Variants in LRWD1 observed in about 807,000 individuals in gnomAD.
LRWD1 encodes leucine rich repeats and WD repeat domain containing 1, also known as leucine-rich repeat and WD repeat-containing protein 1.
Under a neutral mutation model 75.6 loss-of-function variants are expected in LRWD1, and 76 were observed. That is an observed-to-expected ratio of 1.01 (90% confidence interval 0.84 to 1.22). The LOEUF (loss-of-function observed/expected upper bound fraction) is 1.22, where lower values mean the gene tolerates loss of function less well. Among genes scored for constraint, LRWD1 ranks in the 50% most tolerant of loss-of-function variants. The probability of loss-of-function intolerance (pLI) is 0.00; values close to 1 mark genes in which losing one functional copy is unlikely to be tolerated. For missense variants in LRWD1, 917 were observed against 862.0 expected, an observed-to-expected ratio of 1.06 and a Z score of -0.80; for synonymous variants, 487 against 377.0, an observed-to-expected ratio of 1.29 and a Z score of -3.38.
intron 3 of LRWD1, 76 bp downstream of exon 3, chr7:102,466,346 A>G: frequency 1.7e-6 from 2 of 1,187,130 alleles, no homozygotes; most frequent in Non-Finnish European, 2.5e-6. Context: ...GGACATCAGG[A>G]GGATGTTGAG....
At chr7:102,466,760 CTTTTTTTTTTTTTTTTTTTTTTTTTT>C (rs71106685) in intron 3 of LRWD1, among the ~76,000 whole-genome samples, 2 of 53,050 alleles carry the variant, frequency 3.8e-5, no homozygotes, top group Non-Finnish European at 6.4e-5. Context: ...TCTTTTTTAC[CTTTTTTTTTTTTTTTTTTTTTTTTTT>C]TTTTTTTTTT....
Position 102,468,143 on chromosome 7 carries a change from G to T in LRWD1, c.760G>T (p.Ala254Ser), listed in dbSNP as rs778047531. 1.2e-6 allele frequency: 2 copies of T among 1,607,256 alleles called. No individual in the cohort carries two copies. Among genetic ancestry groups the T allele is most frequent in the Non-Finnish European group, 1.7e-6 (2 of 1,177,990 alleles). Residue 254 changes from alanine to serine, a missense_variant, in exon 6 of 15, where the codon GCC becomes TCC. Physicochemically the swap from Ala to Ser is moderately conservative, Grantham distance 99. Transcript: ENST00000292616. ...PSKRACASPS[A>S]QVEGSPVAGS... ...CAAGCGGGCGTGTGCCTCCCCGTCG[G>T]CCCAGGTGGAGGGCAGCCCTGTGGC...
rs1797917901 is a variant in LRWD1, at chr7:102,465,109, TGCA to T, written c.32_34del (p.Gln11del). ...GGCCCCCTCTCGGCGCGGCTGCTAA[TGCA>T]GCGCGGGCGCCCCAAGAGCGACCGG... On this transcript the variant is annotated inframe_deletion, in exon 1 of 15. Coordinates refer to ENST00000292616, the MANE Select transcript of LRWD1 (RefSeq NM_152892.3). The T allele has an allele frequency of 4.0e-6, 6 of 1,511,170 alleles. No individual in the cohort carries two copies. The highest frequency in any genetic ancestry group is 5.3e-6 in the Non-Finnish European group (6 of 1,133,910). The allele number at this position is 1,511,170 out of a possible 1,614,324, so 93.6% of individuals were successfully genotyped here.
intron 5 of LRWD1, 34 bp from the exon 6 acceptor site, chr7:102,468,027 CA>C (rs1563655032): frequency 1.3e-6 from 2 of 1,594,922 alleles, no homozygotes; most frequent in Non-Finnish European, 1.7e-6. Context: ...AAGCCCCAGG[CA>C]GACAGGCCCA....
chr7:102,466,734 C>CTTAGTAGT (rs1554579480), intron 3 of LRWD1, among the ~76,000 whole-genome samples: 2 of 135,538 alleles, frequency 1.5e-5, no homozygotes, highest in African/African-American at 5.9e-5. Context: ...TTCTAAGTAG[C>CTTAGTAGT]TTTTTCTGGG....
At position 102,468,884 on chromosome 7, in the gene LRWD1, G is replaced by A. The variant is rs772714119; in HGVS notation, c.1050G>A (p.Leu350=). The change falls in exon 9 of 15, where the codon CTG becomes CTA. Residue 350 remains leucine, a synonymous_variant. Transcript: ENST00000292616. The part of the protein sequence containing the change: ...EEFFSVAWTA[L]MVVTQAGHKK... ...TCTTTTCTGTGGCCTGGACCGCTCT[G>A]ATGGTGGTCACACAGGCTGGCCACA... 38 of 1,612,464 alleles carry A rather than the reference G, an allele frequency of 2.4e-5. No homozygotes were observed. Among genetic ancestry groups the A allele is most frequent in the Non-Finnish European group, 2.7e-5 (32 of 1,180,000 alleles).
At position 102,469,545 on chromosome 7, in the gene LRWD1, A is replaced by G. The variant is rs781654357; in HGVS notation, c.1229-29A>G. On this transcript the variant is annotated intron_variant, in intron 9 of 14. Transcript: ENST00000292616. ...GAGGGAGCAGGGTCATCTCAGGGCC[A>G]CTTCTCCCCTACCCCACCCCCTCTT... The G allele has an allele frequency of 1.4e-5, 22 of 1,613,008 alleles. No homozygotes were observed. In the African/African-American group the frequency reaches 2.4e-4, roughly 18 times the overall value.
chr7:102,465,508 T>TTC, intron 1 of LRWD1: 1 of 191,598 alleles, frequency 5.2e-6, no homozygotes, highest in Non-Finnish European at 1.0e-5. Context: ...TTTTTTTTTT[T>TTC]TTTTTTTTTT....
chr7:102,465,248 C>A (rs1397067243), intron 1 of LRWD1, 88 bp downstream of exon 1: 20 of 1,234,312 alleles, frequency 1.6e-5, no homozygotes, highest in Non-Finnish European at 2.0e-5. Context: ...GCCCGCTTGT[C>A]CCCGTTATCG....
rs1472956718 is a variant in LRWD1, at chr7:102,466,136, TCAC to T, written c.316-16_316-14del. The T allele has an allele frequency of 6.2e-7, 1 of 1,613,498 alleles. No individual in the cohort carries two copies. The highest frequency in any genetic ancestry group is 2.2e-5 in the East Asian group (1 of 44,874). ...TCAGCATCTCCTGAGCCACTGCTCT[TCAC>T]CCTCTCTTCCCCAGGTCAATGACAA... On this transcript the variant is annotated splice_polypyrimidine_tract_variant and intron_variant, in intron 2 of 14. Coordinates refer to ENST00000292616, the MANE Select transcript of LRWD1 (RefSeq NM_152892.3).
intron 11 of LRWD1, 88 bp downstream of exon 11, chr7:102,469,970 C>A: frequency 1.4e-6 from 2 of 1,405,216 alleles, no homozygotes; most frequent in Non-Finnish European, 1.9e-6. Flanking sequence ...CCTGGGCACA[C>A]CCGGGTAACC....
chr7:102,472,162 TG>T, intron 11 of LRWD1, 55 bp from the exon 12 acceptor site: 1 of 1,497,716 alleles, frequency 6.7e-7, no homozygotes, highest in Non-Finnish European at 9.1e-7. Flanking sequence ...CCTGGGTGAG[TG>T]GGCAGCTCTC....
At chr7:102,469,968 C>G (rs898072394) in intron 11 of LRWD1, 86 bp downstream of exon 11, 3 of 1,408,328 alleles carry the variant, frequency 2.1e-6, no homozygotes, top group East Asian at 2.6e-5. Context: ...AGCCTGGGCA[C>G]ACCCGGGTAA....
chr7:102,472,703 G>A lies in LRWD1; in HGVS notation c.1702G>A (p.Val568Met). 1 of 1,613,568 alleles carries A rather than the reference G, an allele frequency of 6.2e-7. No homozygotes were observed. The highest frequency in any genetic ancestry group is 8.5e-7 in the Non-Finnish European group (1 of 1,179,952). ...SLSACPDKGI[V>M]LCGDEEGNVW... Reference sequence around the variant, plus strand: ...CTCTGTCCCGGCAGATAAGGGGATTGTGCTCTGTGGGGATGAGGAGGGCAA... The same window carrying A: ...CTCTGTCCCGGCAGATAAGGGGATTATGCTCTGTGGGGATGAGGAGGGCAA... The change falls in exon 14 of 15, where the codon GTG becomes ATG. Residue 568 changes from valine (V) to methionine (M), a missense_variant. By Grantham distance (21) the Val-to-Met change is conservative (BLOSUM62 1). Coordinates refer to ENST00000292616, the MANE Select transcript of LRWD1 (RefSeq NM_152892.3).
chr7:102,469,188 C>T, intron 9 of LRWD1, 126 bp downstream of exon 9: 2 of 809,296 alleles, frequency 2.5e-6, no homozygotes, highest in Non-Finnish European at 3.8e-6. Context: ...GTCTGCACCG[C>T]TCCGACTCTA....
intron 5 of LRWD1, 110 bp from the exon 6 acceptor site, chr7:102,467,952 C>G (rs1175924956): frequency 6.6e-7 from 1 of 1,512,594 alleles, no homozygotes; most frequent in Non-Finnish European, 8.8e-7. Flanking sequence ...CTAGGTGACC[C>G]CGGGCCAGCC....
rs1278504626 is a variant in LRWD1 at position 102,472,965 on chromosome 7, G to A, written c.1860G>A (p.Val620=). ...GCCAGGTGGTGACCAAGACCATGGT[G>A]AACACAGTGGTGGCCAATGCCTCCT... is the stretch of plus-strand genomic sequence containing the variant. ...ALGQVVTKTM[V]NTVVANASFT... Residue 620 remains valine, a synonymous_variant, in exon 15 of 15, where the codon GTG becomes GTA. Transcript: ENST00000292616. The A allele has an allele frequency of 1.2e-6, 2 of 1,614,078 alleles. No individual in the cohort carries two copies. Among genetic ancestry groups the A allele is most frequent in the South Asian group, 2.2e-5 (2 of 91,064 alleles).
chr7:102,467,284 T>C, intron 3 of LRWD1, 55 bp from the exon 4 acceptor site: 9 of 1,541,278 alleles, frequency 5.8e-6, no homozygotes, highest in Non-Finnish European at 7.0e-6. Flanking sequence ...GATGGAGGGC[T>C]GGGTCCGGAG....
intron 13 of LRWD1, 28 bp from the exon 14 acceptor site, chr7:102,472,664 C>G (rs377703199): frequency 1.2e-6 from 2 of 1,611,998 alleles, no homozygotes; most frequent in African/African-American, 1.3e-5. Context: ...GCTCTGCCCC[C>G]ACTCAGACTC....
Sources: gnomAD v4.1 joint callset for allele counts (sites outside exome capture counted in the v4.1 genomes callset) on GRCh38, gnomAD v4.1.1 for gene constraint, MANE v1.5 for transcripts, NCBI Gene and HGNC (gene_info 2026-07-23, HGNC 2026-07-21) for gene names.